Variants in NWD2 observed in about 807,000 individuals in gnomAD.
NWD2 encodes the protein NACHT and WD repeat domain containing 2, also known as NACHT and WD repeat domain-containing protein 2.
In NWD2, 37 loss-of-function variants were observed where a neutral mutation model predicts 132.7. The observed-to-expected ratio is 0.28, with a 90% CI of 0.21 to 0.37. The LOEUF is 0.37. Ranked by LOEUF, NWD2 falls within the 10% of genes least tolerant of loss-of-function variation. NWD2 has a pLI of 1.00. For missense variants in NWD2, 1,592 were observed against 2,122.4 expected (o/e 0.75, Z 4.91); for synonymous variants, 705 against 803.0 (o/e 0.88, Z 2.06).
chr4:37,402,637 G>A (rs1487399043), intron 3 of NWD2, among the ~76,000 whole-genome samples: 1 of 152,152 alleles, frequency 6.6e-6, no homozygotes, highest in Non-Finnish European at 1.5e-5. Flanking sequence ...GTTCTCATAT[G>A]AAGAAGGCAT....
chr4:37,407,906 C>T (rs1167444571), intron 3 of NWD2, among the ~76,000 whole-genome samples: 9 of 152,084 alleles, frequency 5.9e-5, no homozygotes, highest in African/African-American at 1.9e-4. Flanking sequence ...GATGGGGTGT[C>T]GCCTCACCCG....
At chr4:37,279,527 G>C (rs937817018) in intron 1 of NWD2, among the ~76,000 whole-genome samples, 1 of 152,108 alleles carries the variant, frequency 6.6e-6, no homozygotes, top group Non-Finnish European at 1.5e-5. Context: ...GCAGTGAAAA[G>C]TACTCAAAAG....
rs1163337136 is a variant in NWD2, at chr4:37,448,753, G to C, written c.*1536G>C. On this transcript the variant is annotated 3_prime_UTR_variant, in exon 7 of 7. Transcript: ENST00000309447. ...TTCATCAGTGTGTTGTTTTTGTGAAGTGCAAAATAAAGATAGTGATAGTTT... is the reference window on the plus strand; with the variant it reads ...TTCATCAGTGTGTTGTTTTTGTGAACTGCAAAATAAAGATAGTGATAGTTT... 6.6e-6 allele frequency: 1 copy of C among 152,174 alleles called. No individual in the cohort carries two copies. Among genetic ancestry groups the C allele is most frequent in the African/African-American group, 2.4e-5 (1 of 41,436 alleles). 9.4% of individuals were successfully genotyped at this position (152,174 alleles called of 1,614,324 possible).
chr4:37,318,985 A>C (rs1435654005), intron 1 of NWD2, among the ~76,000 whole-genome samples: 2 of 152,138 alleles, frequency 1.3e-5, no homozygotes, highest in Non-Finnish European at 1.5e-5. Context: ...GTTCTTTTGG[A>C]TATGTACCCA....
At chr4:37,397,046 C>G (rs539260440) in intron 3 of NWD2, among the ~76,000 whole-genome samples, 4 of 149,686 alleles carry the variant, frequency 2.7e-5, no homozygotes, top group African/African-American at 7.4e-5. Context: ...AAAAAAAAAG[C>G]GAAGCAACTC....
chr4:37,397,238 A>G (rs1720814010), intron 3 of NWD2, among the ~76,000 whole-genome samples: 1 of 152,102 alleles, frequency 6.6e-6, no homozygotes, highest in African/African-American at 2.4e-5. Flanking sequence ...TTCAGGTTTT[A>G]ATGAAAATCC....
chr4:37,354,304 A>G (rs1033399868), intron 2 of NWD2, among the ~76,000 whole-genome samples: 13 of 152,192 alleles, frequency 8.5e-5, no homozygotes, highest in African/African-American at 1.2e-4. Context: ...CTGTCTCCCA[A>G]TCAGGAGGCA....
chr4:37,311,254 T>G (rs113520525), intron 1 of NWD2, among the ~76,000 whole-genome samples: 1 of 152,152 alleles, frequency 6.6e-6, no homozygotes. Flanking sequence ...CCACCAACAG[T>G]GTAAAACTGT....
At position 37,340,817 on chromosome 4, in the gene NWD2, A is replaced by G. The variant is rs567437470; in HGVS notation, c.240+14793A>G. Among the ~76,000 whole-genome samples the G allele has an allele frequency of 5.7e-4, 87 of 152,376 alleles. 1 individual carries two copies. The South Asian group carries it at 0.013, about 23-fold the overall frequency. On this transcript the variant is annotated intron_variant, in intron 2 of 6. Coordinates refer to ENST00000309447, the MANE Select transcript of NWD2 (RefSeq NM_001144990.2). ...GTGCTGTGCATACATTAACTTGTTC[A>G]ATCCTTGCCATGAGTCTAGGAGATC...
At chr4:37,252,548 G>T (rs954554839) in intron 1 of NWD2, among the ~76,000 whole-genome samples, 1 of 152,186 alleles carries the variant, frequency 6.6e-6, no homozygotes, top group Non-Finnish European at 1.5e-5. Context: ...CAGTTCTGTG[G>T]TTGGTATTTT....
At chr4:37,391,366 G>A (rs973655302) in intron 3 of NWD2, among the ~76,000 whole-genome samples, 12 of 152,190 alleles carry the variant, frequency 7.9e-5, no homozygotes, top group Non-Finnish European at 1.5e-4. Flanking sequence ...GTGCCTGCAG[G>A]CAGCTAGCTG....
intron 3 of NWD2, among the ~76,000 whole-genome samples, chr4:37,412,537 G>A (rs1188369759): frequency 2.6e-5 from 4 of 152,138 alleles, no homozygotes; most frequent in East Asian, 1.9e-4. Flanking sequence ...AATCATTATC[G>A]TGAAAATGGC....
intron 3 of NWD2, among the ~76,000 whole-genome samples, chr4:37,391,352 A>G (rs1015521953): frequency 6.6e-6 from 1 of 152,230 alleles, no homozygotes; most frequent in Admixed American, 6.5e-5. Flanking sequence ...TGTTACATGT[A>G]GACGTGCCTG....
chr4:37,397,650 C>T (rs78432847), intron 3 of NWD2, among the ~76,000 whole-genome samples: 4,168 of 152,252 alleles, frequency 0.027, 76 homozygotes, highest in Middle Eastern at 0.051. Context: ...TTACCAATTC[C>T]CCAGCGTTCT....
chr4:37,247,188 C>T (rs1717261052), intron 1 of NWD2, among the ~76,000 whole-genome samples: 1 of 152,062 alleles, frequency 6.6e-6, no homozygotes, highest in South Asian at 2.1e-4. Flanking sequence ...AATTGGAGAG[C>T]GGATGGCATA....
At chr4:37,356,618 G>C in intron 3 of NWD2, 136 bp downstream of exon 3, 1 of 605,890 alleles carries the variant, frequency 1.7e-6, no homozygotes, top group Non-Finnish European at 2.9e-6. Flanking sequence ...ATTTTAAGCT[G>C]TCTCCTGGCT....
intron 3 of NWD2, among the ~76,000 whole-genome samples, chr4:37,402,460 C>T (rs1400665091): frequency 1.4e-4 from 22 of 152,164 alleles, no homozygotes; most frequent in Admixed American, 1.4e-3. Flanking sequence ...CACTGAATTA[C>T]ATTGTGTACT....
intron 1 of NWD2, among the ~76,000 whole-genome samples, chr4:37,300,115 G>A (rs986746546): frequency 6.6e-6 from 1 of 152,068 alleles, no homozygotes; most frequent in Non-Finnish European, 1.5e-5. Context: ...CTTAATTGTA[G>A]TCTTCTCTGA....
At chr4:37,290,122 G>A (rs147961928) in intron 1 of NWD2, among the ~76,000 whole-genome samples, 1 of 152,246 alleles carries the variant, frequency 6.6e-6, no homozygotes, top group East Asian at 1.9e-4. Flanking sequence ...TCTTTGCACA[G>A]CACTGTCCTT....
Sources: allele counts gnomAD v4.1 joint callset (sites outside exome capture counted in the v4.1 genomes callset), GRCh38; gene constraint gnomAD v4.1.1; transcripts MANE v1.5; gene names NCBI Gene and HGNC (gene_info 2026-07-23, HGNC 2026-07-21).